GFOD1: variants seen among roughly 807,000 people sequenced by gnomAD.
GFOD1 encodes Gfo/Idh/MocA-like oxidoreductase domain containing 1.
In GFOD1, 9 loss-of-function variants were observed where a neutral mutation model predicts 25.4. The ratio of observed to expected loss-of-function variants is 0.35; its 90% CI spans 0.21 to 0.62. GFOD1 has a LOEUF of 0.62. GFOD1 is among the 20% of genes least tolerant of loss of function. The pLI is 0.72. For missense variants in GFOD1, 403 were observed against 556.9 expected, an observed-to-expected ratio of 0.72 and a Z score of 2.78; for synonymous variants, 253 against 245.6, an observed-to-expected ratio of 1.03 and a Z score of -0.28.
At chr6:13,456,156 T>C (rs1268709140) in intron 1 of GFOD1, among the ~76,000 whole-genome samples, 1 of 152,204 alleles carries the variant, frequency 6.6e-6, no homozygotes, top group Non-Finnish European at 1.5e-5. Flanking sequence ...CCTTTAGCTT[T>C]TTAAAGTTTT....
chr6:13,386,301 G>C (rs911562578), intron 1 of GFOD1, among the ~76,000 whole-genome samples: 2 of 152,056 alleles, frequency 1.3e-5, no homozygotes, highest in Admixed American at 6.6e-5. Flanking sequence ...CCTCCTATCC[G>C]TCAGGTCCAA....
chr6:13,405,900 C>T (rs754375636), intron 1 of GFOD1, among the ~76,000 whole-genome samples: 21 of 152,140 alleles, frequency 1.4e-4, no homozygotes, highest in Non-Finnish European at 2.8e-4. Context: ...GAGAGATACT[C>T]GCAAGCCCCA....
chr6:13,399,109 G>A (rs1385899171), intron 1 of GFOD1, among the ~76,000 whole-genome samples: 1 of 152,096 alleles, frequency 6.6e-6, no homozygotes, highest in Non-Finnish European at 1.5e-5. Context: ...TAACCTCGCG[G>A]ACTCAGGTGA....
At chr6:13,446,627 A>C (rs1758007380) in intron 1 of GFOD1, among the ~76,000 whole-genome samples, 1 of 152,170 alleles carries the variant, frequency 6.6e-6, no homozygotes, top group Admixed American at 6.5e-5. Context: ...CACCCCTGAC[A>C]CTGGCAGCGA....
chr6:13,437,238 C>A (rs1460338232), intron 1 of GFOD1, among the ~76,000 whole-genome samples: 2 of 152,164 alleles, frequency 1.3e-5, no homozygotes, highest in Non-Finnish European at 2.9e-5. Flanking sequence ...GCTCCATCAT[C>A]GAGTTCCCTT....
At chr6:13,386,516 C>T (rs12153966) in intron 1 of GFOD1, among the ~76,000 whole-genome samples, 63,679 of 152,052 alleles carry the variant, frequency 0.42, 16,287 homozygotes, top group East Asian at 0.67. Flanking sequence ...GGTGGGCTAA[C>T]GTTTGGGGCA....
chr6:13,393,173 T>A (rs62386724), intron 1 of GFOD1, among the ~76,000 whole-genome samples: 1 of 151,626 alleles, frequency 6.6e-6, no homozygotes, highest in Admixed American at 6.6e-5. Flanking sequence ...CTGGGCAACA[T>A]GCTGAAACTC....
intron 1 of GFOD1, among the ~76,000 whole-genome samples, chr6:13,376,247 T>C (rs116571582): frequency 0.012 from 1,844 of 151,800 alleles, 37 homozygotes; most frequent in African/African-American, 0.043. Context: ...AGGTTTGGAG[T>C]TGGATACAGT....
At chr6:13,382,291 A>G (rs1785381739) in intron 1 of GFOD1, among the ~76,000 whole-genome samples, 1 of 150,252 alleles carries the variant, frequency 6.7e-6, no homozygotes, top group Non-Finnish European at 1.5e-5. Context: ...CTTGAACTGT[A>G]GCTCTCATAA....
chr6:13,423,546 G>A (rs1028479425), intron 1 of GFOD1, among the ~76,000 whole-genome samples: 29 of 152,198 alleles, frequency 1.9e-4, no homozygotes, highest in African/African-American at 6.8e-4. Context: ...CGCAAAGCTC[G>A]AGGCAAGCGG....
chr6:13,384,357 C>T (rs955928640), intron 1 of GFOD1, among the ~76,000 whole-genome samples: 1 of 152,234 alleles, frequency 6.6e-6, no homozygotes, highest in Non-Finnish European at 1.5e-5. Flanking sequence ...TAGTCACTTA[C>T]TCTATGAACT....
intron 1 of GFOD1, among the ~76,000 whole-genome samples, chr6:13,388,324 G>T (rs1419432986): frequency 1.3e-5 from 2 of 152,178 alleles, no homozygotes; most frequent in Non-Finnish European, 2.9e-5. Context: ...TAAGCAAAAA[G>T]AACAAAGCTG....
chr6:13,368,155 T>C (rs548518806), intron 1 of GFOD1, among the ~76,000 whole-genome samples: 1 of 152,302 alleles, frequency 6.6e-6, no homozygotes, highest in East Asian at 1.9e-4. Context: ...CTAGAACTGG[T>C]CGGTACAGAT....
At chr6:13,426,907 T>C (rs1372169637) in intron 1 of GFOD1, among the ~76,000 whole-genome samples, 1 of 152,164 alleles carries the variant, frequency 6.6e-6, no homozygotes, top group African/African-American at 2.4e-5. Context: ...TTGAGTCTCA[T>C]CTCTTTCTCA....
Position 13,414,348 on chromosome 6 carries a change from C to T in GFOD1, c.254-48686G>A, listed in dbSNP as rs528970326. On this transcript the variant is annotated intron_variant, in intron 1 of 1. Transcript: ENST00000379287. ...GCTTGTGACGCAGGTCTGTGAGTGC[C>T]GGAAGCACTGGGCAGAGTCGGCCAG... is the stretch of plus-strand genomic sequence containing the variant. Among the ~76,000 whole-genome samples the T allele has an allele frequency of 5.3e-5, 8 of 152,348 alleles. No homozygotes were observed. In the East Asian group the frequency reaches 7.7e-4, roughly 15 times the overall value.
intron 1 of GFOD1, among the ~76,000 whole-genome samples, chr6:13,383,677 T>A (rs556190082): frequency 3.3e-5 from 5 of 152,234 alleles, no homozygotes; most frequent in African/African-American, 1.2e-4. Flanking sequence ...TGGGTTTCTA[T>A]GTAAGCAAAT....
At chr6:13,392,822 A>G (rs1434278230) in intron 1 of GFOD1, among the ~76,000 whole-genome samples, 2 of 152,080 alleles carry the variant, frequency 1.3e-5, no homozygotes, top group Admixed American at 1.3e-4. Context: ...TTGAGAGGCC[A>G]AGGCGGGAGG....
chr6:13,398,675 C>T (rs1446259048), intron 1 of GFOD1, among the ~76,000 whole-genome samples: 4 of 152,168 alleles, frequency 2.6e-5, no homozygotes, highest in Admixed American at 1.3e-4. Context: ...TCCCAGCTGC[C>T]TGCAGGCAGA....
At chr6:13,390,732 A>G (rs1785575545) in intron 1 of GFOD1, among the ~76,000 whole-genome samples, 1 of 136,968 alleles carries the variant, frequency 7.3e-6, no homozygotes, top group Non-Finnish European at 1.5e-5. Context: ...AAAAAAAAAA[A>G]AAGAAAGAAA....
Sources: allele counts gnomAD v4.1 joint callset (sites outside exome capture counted in the v4.1 genomes callset), GRCh38; gene constraint gnomAD v4.1.1; transcripts MANE v1.5; gene names NCBI Gene and HGNC (gene_info 2026-07-23, HGNC 2026-07-21).